Variants in GRM8 observed in about 807,000 individuals in gnomAD.
GRM8 encodes the protein glutamate metabotropic receptor 8.
Under a neutral mutation model 87.2 loss-of-function variants are expected in GRM8, and 47 were observed. The observed-to-expected ratio is 0.54, with a 90% CI of 0.43 to 0.69. GRM8 has a LOEUF of 0.69. Among genes scored for constraint, GRM8 ranks in the 30% least tolerant of loss-of-function variants. The pLI is 0.00. For synonymous variants in GRM8, 396 were observed against 404.5 expected (o/e 0.98, Z 0.25); for missense variants, 1,019 against 1,139.2 (o/e 0.89, Z 1.52).
At chr7:126,631,253 G>A (rs558205696) in intron 7 of GRM8, among the ~76,000 whole-genome samples, 26 of 152,034 alleles carry the variant, frequency 1.7e-4, no homozygotes, top group African/African-American at 6.0e-4. Flanking sequence ...CAAGCCAAGA[G>A]CCAAATCATG....
In GRM8 at chr7:127,165,141, G is replaced by GATAT. The variant is rs3993578; in HGVS notation, c.511-58433_511-58430dup. 8.6e-3 allele frequency among the ~76,000 whole-genome samples: 575 copies of GATAT among 66,890 alleles called. 26 individuals carry two copies. The highest frequency in any genetic ancestry group is 0.018 in the Middle Eastern group (2 of 112). 43.9% of individuals were successfully genotyped at this position (66,890 alleles called of 152,430 possible). A position where few individuals can be genotyped will look rare whatever the true frequency, so the allele number is the denominator to read the frequency against. On this transcript the variant is annotated intron_variant, in intron 2 of 10. Coordinates refer to ENST00000339582, the MANE Select transcript of GRM8 (RefSeq NM_000845.3). Reference sequence around the variant, plus strand: ...GAGGCAGATAATAAACATGTAAACAGATATATATATATATATATATATATA... The same window carrying GATAT: ...GAGGCAGATAATAAACATGTAAACAGATATATATATATATATATATATATATATA...
At chr7:126,492,874 G>T (rs1320534430) in intron 9 of GRM8, among the ~76,000 whole-genome samples, 1 of 152,012 alleles carries the variant, frequency 6.6e-6, no homozygotes, top group East Asian at 1.9e-4. Flanking sequence ...GTCGACACAT[G>T]ATATATGCAT....
At chr7:126,704,414 G>A (rs1055709203) in intron 7 of GRM8, among the ~76,000 whole-genome samples, 1 of 152,146 alleles carries the variant, frequency 6.6e-6, no homozygotes, top group African/African-American at 2.4e-5. Context: ...TGCACAAATT[G>A]TAGAGCATGT....
At chr7:126,805,100 A>T (rs1354493530) in intron 6 of GRM8, among the ~76,000 whole-genome samples, 1 of 152,146 alleles carries the variant, frequency 6.6e-6, no homozygotes, top group Non-Finnish European at 1.5e-5. Context: ...TGATCCCTAT[A>T]ATAATACGCC....
chr7:127,153,048 AC>A (rs1792505361), intron 2 of GRM8, among the ~76,000 whole-genome samples: 1 of 152,146 alleles, frequency 6.6e-6, no homozygotes, highest in Non-Finnish European at 1.5e-5. Context: ...TACATTAGTC[AC>A]AAGACCATAA....
chr7:126,470,384 C>A lies in GRM8; in HGVS notation c.2431-24012G>T, dbSNP rs560069894. ...GTCCCCAGAGTGTGAGGTTCCCCTT[C>A]CTGTGTCCATGTGTTCTCATTGTTC... On this transcript the variant is annotated intron_variant, in intron 9 of 10. Transcript: ENST00000339582. Among the ~76,000 whole-genome samples, 3 of 133,754 alleles carry A rather than the reference C, an allele frequency of 2.2e-5. No homozygotes were observed. In the East Asian group the frequency reaches 7.1e-4, roughly 32 times the overall value. 87.7% of individuals were successfully genotyped at this position (133,754 alleles called of 152,430 possible).
At chr7:126,592,745 A>C (rs1008197533) in intron 8 of GRM8, among the ~76,000 whole-genome samples, 10 of 151,950 alleles carry the variant, frequency 6.6e-5, no homozygotes, top group African/African-American at 1.9e-4. Context: ...GATCTAGAAG[A>C]AGACAAGAGT....
chr7:127,201,188 T>C (rs1326333247), intron 2 of GRM8, among the ~76,000 whole-genome samples: 10 of 152,222 alleles, frequency 6.6e-5, no homozygotes, highest in Non-Finnish European at 1.3e-4. Flanking sequence ...GAAGGAAGCT[T>C]ACCTTTTATC....
intron 9 of GRM8, among the ~76,000 whole-genome samples, chr7:126,508,799 G>A (rs184438136): frequency 3.9e-5 from 6 of 152,130 alleles, no homozygotes; most frequent in African/African-American, 1.2e-4. Flanking sequence ...AATGAATGAC[G>A]TATATAAGGA....
At chr7:127,234,069 C>T (rs1300713671) in intron 2 of GRM8, among the ~76,000 whole-genome samples, 1 of 152,172 alleles carries the variant, frequency 6.6e-6, no homozygotes, top group Non-Finnish European at 1.5e-5. Context: ...TGTGGGGAAG[C>T]AAGGGCCTCT....
Position 126,525,308 on chromosome 7 carries a change from T to C in GRM8, c.2430+7644A>G, listed in dbSNP as rs538178053. 8.8e-4 allele frequency among the ~76,000 whole-genome samples: 134 copies of C among 152,320 alleles called. 1 individual carries two copies. The highest frequency in any genetic ancestry group is 1.3e-3 in the Non-Finnish European group (91 of 68,026). On this transcript the variant is annotated intron_variant, in intron 9 of 10. Coordinates refer to ENST00000339582, the MANE Select transcript of GRM8 (RefSeq NM_000845.3). ...ATCCTAGGTAGAGCTGTATTTCCTA[T>C]TCCCCCTGGCCATATCTGAAATAAA... is the stretch of plus-strand genomic sequence containing the variant.
intron 6 of GRM8, among the ~76,000 whole-genome samples, chr7:126,826,796 C>G (rs1293855564): frequency 1.3e-5 from 2 of 152,118 alleles, no homozygotes; most frequent in Non-Finnish European, 2.9e-5. Flanking sequence ...TTGCCCATGC[C>G]TATGTCCTGA....
At chr7:126,698,298 G>T (rs1809590069) in intron 7 of GRM8, among the ~76,000 whole-genome samples, 1 of 152,128 alleles carries the variant, frequency 6.6e-6, no homozygotes, top group Non-Finnish European at 1.5e-5. Flanking sequence ...ATTTTATTGA[G>T]AGGGTTGTGG....
chr7:126,720,156 T>C (rs1489566625), intron 7 of GRM8, among the ~76,000 whole-genome samples: 2 of 151,750 alleles, frequency 1.3e-5, no homozygotes, highest in African/African-American at 4.8e-5. Flanking sequence ...CACAATTTTT[T>C]TTTTTTTTTT....
rs150685289 is a variant in GRM8, at chr7:126,440,377, C to T, written c.2678-1209G>A. On this transcript the variant is annotated intron_variant, in intron 10 of 10. Coordinates refer to ENST00000339582, the MANE Select transcript of GRM8 (RefSeq NM_000845.3). ...AGTGAGCCGAGATCGCGCCACTGCA[C>T]ACCAGCCTAGGCAACAGAGCAAGAC... Among the ~76,000 whole-genome samples the T allele has an allele frequency of 3.8e-3, 483 of 127,214 alleles. 8 individuals are homozygous for T. The highest frequency in any genetic ancestry group is 0.031 in the Admixed American group (315 of 10,276). The allele number at this position is 127,214 out of a possible 152,430, so 83.5% of individuals were successfully genotyped here.
At chr7:126,765,030 C>G (rs1818042944) in intron 7 of GRM8, among the ~76,000 whole-genome samples, 2 of 152,004 alleles carry the variant, frequency 1.3e-5, no homozygotes, top group South Asian at 4.1e-4. Context: ...GTACTACTTC[C>G]TCCTGTACAC....
At chr7:126,810,791 C>T (rs1395996542) in intron 6 of GRM8, among the ~76,000 whole-genome samples, 1 of 152,124 alleles carries the variant, frequency 6.6e-6, no homozygotes, top group Non-Finnish European at 1.5e-5. Flanking sequence ...TGGAAACTCT[C>T]ACCTAATATG....
intron 6 of GRM8, among the ~76,000 whole-genome samples, chr7:126,891,896 T>C (rs1586345421): frequency 1.3e-5 from 2 of 151,966 alleles, no homozygotes; most frequent in East Asian, 3.9e-4. Context: ...CTGAATTTAA[T>C]TCTTTCATTT....
chr7:127,142,893 T>G (rs1828354834), intron 2 of GRM8, among the ~76,000 whole-genome samples: 1 of 152,104 alleles, frequency 6.6e-6, no homozygotes, highest in South Asian at 2.1e-4. Context: ...AAAAATATAT[T>G]TATTAGTGTA....
Sources: allele counts gnomAD v4.1 joint callset (sites outside exome capture counted in the v4.1 genomes callset), GRCh38; gene constraint gnomAD v4.1.1; transcripts MANE v1.5; gene names NCBI Gene and HGNC (gene_info 2026-07-23, HGNC 2026-07-21).